JAK2: variants seen among roughly 807,000 people sequenced by gnomAD.
JAK2 encodes tyrosine-protein kinase JAK2.
Under a neutral mutation model 139.3 loss-of-function variants are expected in JAK2, and 86 were observed. That is an observed-to-expected ratio of 0.62 (90% CI 0.52 to 0.74). JAK2 has a LOEUF of 0.74. Among genes scored for constraint, JAK2 ranks in the 30% least tolerant of loss-of-function variants. The pLI is 0.00. For missense variants in JAK2, 1,421 were observed against 1,360.3 expected (o/e 1.04, Z -0.70); for synonymous variants, 490 against 437.7 (o/e 1.12, Z -1.49).
In JAK2 at chr9:5,080,572, C is replaced by T. The variant is rs1337247004; in HGVS notation, c.2323C>T (p.Pro775Ser). 2 of 1,600,382 alleles carry T rather than the reference C, an allele frequency of 1.2e-6. No individual in the cohort carries two copies. The highest frequency in any genetic ancestry group is 1.7e-6 in the Non-Finnish European group (2 of 1,176,568). The change falls in exon 18 of 25, where the codon CCA (proline) becomes TCA (serine). Residue 775 changes from proline (P) to serine (S), a missense_variant. Pro to Ser is a moderately conservative substitution (Grantham distance 74, BLOSUM62 -1). Coordinates refer to ENST00000381652, the MANE Select transcript of JAK2 (RefSeq NM_004972.4). The stretch of plus-strand genomic sequence containing the variant: ...TGAAGATAGGCATCAGCTTCCTGCA[C>T]CAAAGTGGGCAGAATTAGCAAACCT... Reference protein sequence around the residue: ...FYEDRHQLPAPKWAELANLIN... With the variant: ...FYEDRHQLPASKWAELANLIN...
In JAK2 at chr9:5,111,152, T is replaced by G. The variant is rs145088272; in HGVS notation, c.3060-11852T>G. 1.2e-3 allele frequency: 1,062 copies of G among 876,934 alleles called. 20 individuals are homozygous for G. The African/African-American group carries it at 0.015, about 13-fold the overall frequency. The allele number at this position is 876,934 out of a possible 1,614,324, so 54.3% of individuals were successfully genotyped here. A position where few individuals can be genotyped will look rare whatever the true frequency, so the allele number is the denominator to read the frequency against. On this transcript the variant is annotated intron_variant, in intron 22 of 24. Coordinates refer to ENST00000381652, the MANE Select transcript of JAK2 (RefSeq NM_004972.4). The stretch of plus-strand genomic sequence containing the variant: ...TGGACGTTCAGCGAAGGCGCTCAAC[T>G]TGCTGAGTCGCACGGCAGCCACTCT...
In JAK2 at chr9:4,998,878, T is replaced by G. The variant is rs536046985; in HGVS notation, c.-26+12856T>G. ...TGGAGTCTCCCTCTGTCACCCAGGC[T>G]GTAGTGCAGTGGTGCGATCTGCAAG... is the stretch of plus-strand genomic sequence containing the variant. On this transcript the variant is annotated intron_variant, in intron 2 of 24. Transcript: ENST00000381652. Among the ~76,000 whole-genome samples the G allele has an allele frequency of 1.8e-3, 278 of 152,256 alleles. 1 individual carries two copies. The highest frequency in any genetic ancestry group is 6.2e-3 in the African/African-American group (257 of 41,578).
At chr9:5,051,847 T>C (rs1817435282) in intron 6 of JAK2, among the ~76,000 whole-genome samples, 1 of 152,160 alleles carries the variant, frequency 6.6e-6, no homozygotes, top group African/African-American at 2.4e-5. Flanking sequence ...TGTATTTCTC[T>C]CTTTGGTTTT....
intron 2 of JAK2, among the ~76,000 whole-genome samples, chr9:5,002,012 G>A (rs1376473975): frequency 6.6e-6 from 1 of 151,778 alleles, no homozygotes; most frequent in Non-Finnish European, 1.5e-5. Flanking sequence ...AATCTGTAGC[G>A]ATATCCTGCT....
At chr9:5,104,577 C>T (rs530964839) in intron 22 of JAK2, among the ~76,000 whole-genome samples, 17 of 152,016 alleles carry the variant, frequency 1.1e-4, no homozygotes, top group African/African-American at 2.2e-4. Context: ...AGCATCAGCC[C>T]GATACCAAAG....
chr9:4,994,973 T>C (rs1158306695), intron 2 of JAK2, among the ~76,000 whole-genome samples: 4 of 152,146 alleles, frequency 2.6e-5, no homozygotes, highest in Non-Finnish European at 2.9e-5. Flanking sequence ...TAACTAAAGA[T>C]TAAGTAGAAG....
At chr9:5,074,708 G>A (rs899243629) in intron 14 of JAK2, among the ~76,000 whole-genome samples, 7 of 152,174 alleles carry the variant, frequency 4.6e-5, no homozygotes, top group East Asian at 1.9e-4. Flanking sequence ...GTCTTTAAAT[G>A]TTCAAGTGAA....
intron 3 of JAK2, among the ~76,000 whole-genome samples, chr9:5,023,750 A>C (rs1822589523): frequency 6.6e-6 from 1 of 151,998 alleles, no homozygotes; most frequent in Non-Finnish European, 1.5e-5. Context: ...TTATATACTC[A>C]TGGTTTTAGT....
chr9:5,072,471 T>C, intron 12 of JAK2, 21 bp from the exon 13 acceptor site: 1 of 1,505,042 alleles, frequency 6.6e-7, no homozygotes. Context: ...CATTCTTTTC[T>C]TTTACCTTTT....
chr9:5,092,582 T>A (rs999234116), intron 22 of JAK2, among the ~76,000 whole-genome samples: 1 of 152,112 alleles, frequency 6.6e-6, no homozygotes, highest in East Asian at 1.9e-4. Flanking sequence ...CTTGGCACAA[T>A]AGATACAGTA....
At chr9:5,031,213 C>T (rs935916272) in intron 4 of JAK2, among the ~76,000 whole-genome samples, 8 of 152,090 alleles carry the variant, frequency 5.3e-5, no homozygotes, top group Non-Finnish European at 1.2e-4. Context: ...TGACACATTA[C>T]TATGTAAATT....
chr9:5,006,776 A>G (rs956265342), intron 2 of JAK2, among the ~76,000 whole-genome samples: 1 of 152,234 alleles, frequency 6.6e-6, no homozygotes, highest in Non-Finnish European at 1.5e-5. Flanking sequence ...CTAACACTGA[A>G]GATCATAATT....
At chr9:5,111,089 G>T in intron 22 of JAK2, 1 of 1,225,120 alleles carries the variant, frequency 8.2e-7, no homozygotes, top group Non-Finnish European at 1.1e-6. Flanking sequence ...GGCTCCTGGG[G>T]CAGCGGCGAC....
intron 2 of JAK2, among the ~76,000 whole-genome samples, chr9:5,004,350 T>G (rs1259834693): frequency 6.6e-6 from 1 of 152,214 alleles, no homozygotes; most frequent in Non-Finnish European, 1.5e-5. Context: ...TGATTTCTAC[T>G]TTTTTAGATT....
chr9:5,097,942 G>C (rs1253564409), intron 22 of JAK2: 1 of 151,964 alleles, frequency 6.6e-6, no homozygotes, highest in Non-Finnish European at 1.5e-5. Flanking sequence ...TTTTCCCACA[G>C]CACTTCCTTG....
intron 22 of JAK2, among the ~76,000 whole-genome samples, chr9:5,117,845 G>A (rs1233196757): frequency 6.6e-6 from 1 of 152,128 alleles, no homozygotes; most frequent in Non-Finnish European, 1.5e-5. Context: ...TTGTATTAAT[G>A]AGAGGCTAAT....
intron 22 of JAK2, chr9:5,098,010 A>G (rs988570428): frequency 6.6e-6 from 1 of 152,202 alleles, no homozygotes; most frequent in Admixed American, 6.5e-5. Context: ...ACCGCATGAA[A>G]TATTATCTCA....
chr9:5,020,784 G>A (rs1229080225), intron 2 of JAK2, among the ~76,000 whole-genome samples: 1 of 152,142 alleles, frequency 6.6e-6, no homozygotes, highest in Admixed American at 6.5e-5. Context: ...GGTCCCAGAG[G>A]CGGCAGCCAG....
At chr9:5,092,925 C>T (rs1023218475) in intron 22 of JAK2, among the ~76,000 whole-genome samples, 37 of 152,242 alleles carry the variant, frequency 2.4e-4, no homozygotes, top group African/African-American at 8.2e-4. Context: ...AGGAACCAAC[C>T]TTCCTACAGA....
Sources: gnomAD v4.1 joint callset for allele counts (sites outside exome capture counted in the v4.1 genomes callset) on GRCh38, gnomAD v4.1.1 for gene constraint, MANE v1.5 for transcripts, NCBI Gene and HGNC (gene_info 2026-07-23, HGNC 2026-07-21) for gene names.